The following DGKB variants were observed in gnomAD, a reference collection of about 807,000 sequenced individuals.
DGKB encodes 90 kDa diacylglycerol kinase.
DGKB carries 67 observed loss-of-function variants against 114.3 expected under a neutral mutation model. The observed-to-expected ratio is 0.59, with a 90% CI of 0.48 to 0.72. DGKB has a LOEUF of 0.72. DGKB is among the 30% of genes least tolerant of loss of function. DGKB has a pLI of 0.00. For missense variants in DGKB, 907 were observed against 975.2 expected (o/e 0.93, Z 0.93); for synonymous variants, 398 against 323.1 (o/e 1.23, Z -2.49).
intron 21 of DGKB, among the ~76,000 whole-genome samples, chr7:14,467,138 A>G (rs184083788): frequency 5.2e-4 from 79 of 150,728 alleles, no homozygotes; most frequent in Admixed American, 9.9e-4. Context: ...TATAACTATT[A>G]TATGTTTATA....
chr7:14,680,132 C>T (rs1279259012), intron 12 of DGKB, among the ~76,000 whole-genome samples: 7 of 151,828 alleles, frequency 4.6e-5, no homozygotes, highest in Non-Finnish European at 4.4e-5. Context: ...AAGAGGGCAG[C>T]CTTTTTTTTT....
At chr7:14,755,960 A>G (rs1834809114) in intron 3 of DGKB, among the ~76,000 whole-genome samples, 1 of 152,082 alleles carries the variant, frequency 6.6e-6, no homozygotes, top group African/African-American at 2.4e-5. Flanking sequence ...AATGTATTAC[A>G]TTGTTGAAAA....
intron 20 of DGKB, among the ~76,000 whole-genome samples, chr7:14,562,690 T>G (rs1411912858): frequency 6.6e-6 from 1 of 152,178 alleles, no homozygotes; most frequent in African/African-American, 2.4e-5. Flanking sequence ...TTTCTCCCAT[T>G]TGGAATGAGT....
At chr7:14,265,741 A>G (rs999288475) in intron 23 of DGKB, among the ~76,000 whole-genome samples, 2 of 152,162 alleles carry the variant, frequency 1.3e-5, no homozygotes, top group Non-Finnish European at 2.9e-5. Context: ...ATGGTTGACA[A>G]CAGTATCTGG....
intron 2 of DGKB, among the ~76,000 whole-genome samples, chr7:14,804,111 T>C (rs1266334674): frequency 6.6e-6 from 1 of 151,358 alleles, no homozygotes; most frequent in Non-Finnish European, 1.5e-5. Context: ...AGTAATTTTT[T>C]TCATTGAGAG....
At chr7:14,233,359 G>C (rs1004934398) in intron 23 of DGKB, among the ~76,000 whole-genome samples, 7 of 152,000 alleles carry the variant, frequency 4.6e-5, no homozygotes, top group Non-Finnish European at 2.9e-5. Flanking sequence ...TCTTTGCCAG[G>C]GGAGGATGTT....
At chr7:14,174,464 T>C in intron 25 of DGKB, among the ~76,000 whole-genome samples, 1 of 152,188 alleles carries the variant, frequency 6.6e-6, no homozygotes, top group East Asian at 1.9e-4. Context: ...ACTCAAAACA[T>C]GGAATAAGGG....
At chr7:14,198,766 G>C (rs997722913) in intron 23 of DGKB, among the ~76,000 whole-genome samples, 1 of 151,976 alleles carries the variant, frequency 6.6e-6, no homozygotes, top group African/African-American at 2.4e-5. Context: ...AGAAAATAGG[G>C]TCCCAGAGGT....
At chr7:14,904,448 G>A (rs540736291), upstream of DGKB, among the ~76,000 whole-genome samples, 9 of 152,008 alleles carry the variant, frequency 5.9e-5, no homozygotes, top group South Asian at 8.3e-4. Flanking sequence ...GGGGGAACAC[G>A]GAAGAAAGAA....
chr7:14,950,394 G>C (rs1195196857), intron 1 of DGKB, among the ~76,000 whole-genome samples: 1 of 151,748 alleles, frequency 6.6e-6, no homozygotes, highest in African/African-American at 2.4e-5. Context: ...CAGAAGAAAG[G>C]AAATTTTAAA....
intron 25 of DGKB, among the ~76,000 whole-genome samples, chr7:14,155,790 G>A (rs1257701082): frequency 2.0e-5 from 3 of 152,084 alleles, no homozygotes; most frequent in Non-Finnish European, 4.4e-5. Flanking sequence ...TTTATAGAAA[G>A]AGAAGCGTTT....
intron 23 of DGKB, among the ~76,000 whole-genome samples, chr7:14,227,314 G>A (rs1037756509): frequency 5.3e-5 from 8 of 152,110 alleles, no homozygotes; most frequent in Admixed American, 2.0e-4. Context: ...TTCACACTTT[G>A]GAAAGTAATC....
chr7:14,709,466 G>T (rs1180720318), intron 6 of DGKB, among the ~76,000 whole-genome samples: 1 of 117,794 alleles, frequency 8.5e-6, no homozygotes, highest in Non-Finnish European at 1.8e-5. Flanking sequence ...CCATTACTGG[G>T]TATATACCCA....
upstream of DGKB, among the ~76,000 whole-genome samples, chr7:14,904,186 T>C (rs1783528295): frequency 1.3e-5 from 2 of 151,572 alleles, no homozygotes; most frequent in South Asian, 2.1e-4. Flanking sequence ...TCTTGTTCTG[T>C]AGATTGAGTA....
At chr7:14,590,163 T>A (rs140447875) in intron 17 of DGKB, among the ~76,000 whole-genome samples, 1,030 of 24,832 alleles carry the variant, frequency 0.041, 16 homozygotes, top group African/African-American at 0.16. Flanking sequence ...AGTATAATAA[T>A]AAAAAAAAAA....
At chr7:14,567,370 T>A (rs868010039) in intron 20 of DGKB, among the ~76,000 whole-genome samples, 31 of 33,636 alleles carry the variant, frequency 9.2e-4, no homozygotes, top group East Asian at 6.2e-3. Context: ...TTATATATAT[T>A]ATATATTTAT....
intron 21 of DGKB, among the ~76,000 whole-genome samples, chr7:14,375,831 A>G (rs1051924755): frequency 4.6e-5 from 7 of 152,234 alleles, no homozygotes; most frequent in Non-Finnish European, 1.0e-4. Context: ...CTAAATCCTC[A>G]GTACCTGAAA....
intron 17 of DGKB, among the ~76,000 whole-genome samples, chr7:14,603,543 T>C (rs1035158543): frequency 2.0e-5 from 3 of 152,252 alleles, no homozygotes; most frequent in South Asian, 2.1e-4. Flanking sequence ...AAATCTGTTA[T>C]GCATTTTCTA....
chr7:14,872,118 GC>G (rs1852561982), intron 1 of DGKB, among the ~76,000 whole-genome samples: 1 of 152,098 alleles, frequency 6.6e-6, no homozygotes, highest in Non-Finnish European at 1.5e-5. Context: ...GAAGGATCAA[GC>G]ATCATAAGTC....
Sources: gnomAD v4.1 joint callset for allele counts (sites outside exome capture counted in the v4.1 genomes callset) on GRCh38, gnomAD v4.1.1 for gene constraint, MANE v1.5 for transcripts, NCBI Gene and HGNC (gene_info 2026-07-23, HGNC 2026-07-21) for gene names.